CFAP54: variants seen among roughly 807,000 people sequenced by gnomAD.
CFAP54 encodes the protein cilia and flagella associated protein 54.
A neutral mutation model predicts 370.4 loss-of-function variants in CFAP54; 290 were observed. The observed-to-expected ratio is 0.78, with a 90% CI of 0.71 to 0.86. The LOEUF (loss-of-function observed/expected upper bound fraction) is 0.86, where lower values mean the gene tolerates loss of function less well. CFAP54 is among the 40% of genes least tolerant of loss of function. The pLI is 0.00. For synonymous variants in CFAP54, 1,206 were observed against 1,236.5 expected (o/e 0.98, Z 0.52); for missense variants, 3,399 against 3,528.7 (o/e 0.96, Z 0.93).
rs747467466 is a variant in CFAP54 at position 96,630,621 on chromosome 12, C to T, written c.4286C>T (p.Pro1429Leu). Residue 1429 changes from proline (P) to leucine (L), a missense_variant, in exon 32 of 68, where the codon CCG (proline) becomes CTG (leucine). Pro to Leu is a moderately conservative substitution (Grantham distance 98). This residue lies in a region of CFAP54 where 2,796 missense variants were observed against 2,869.7 expected (regional missense o/e 0.97). Coordinates refer to ENST00000524981, the MANE Select transcript of CFAP54 (RefSeq NM_001306084.2). The stretch of plus-strand genomic sequence containing the variant: ...CTAAGAGATTTCATTTTTAAAAATC[C>T]GGCTATTTCTGAAATGGTGGCACAT... ...ETLRDFIFKN[P>L]AISEMVAHER... is the part of the protein sequence containing the mutation. 69 of 1,494,590 alleles carry T rather than the reference C, an allele frequency of 4.6e-5. 1 individual carries two copies. In the South Asian group the frequency reaches 5.5e-4, roughly 12 times the overall value. The allele number at this position is 1,494,590 out of a possible 1,614,324, so 92.6% of individuals were successfully genotyped here.
rs1263604906 is a variant in CFAP54, at chr12:96,600,365, A to G, written c.3639+1598A>G. On this transcript the variant is annotated intron_variant, in intron 26 of 67. Coordinates refer to ENST00000524981, the MANE Select transcript of CFAP54 (RefSeq NM_001306084.2). ...CCTATGTATCTGTTTTGGTACCAGT[A>G]CCATGCTGTTTTGGTTACTGTAGCC... 2.0e-5 allele frequency among the ~76,000 whole-genome samples: 3 copies of G among 152,282 alleles called. No homozygotes were observed. The South Asian group carries it at 6.2e-4, about 32-fold the overall frequency.
intron 39 of CFAP54, among the ~76,000 whole-genome samples, chr12:96,673,552 G>T (rs1160324765): frequency 1.3e-5 from 2 of 152,120 alleles, no homozygotes; most frequent in Non-Finnish European, 2.9e-5. Flanking sequence ...CTGTTATTGG[G>T]AATGTTTTTT....
At position 96,772,471 on chromosome 12, in the gene CFAP54, G is replaced by A. The variant is rs548113281; in HGVS notation, c.8281+7253G>A. The stretch of plus-strand genomic sequence containing the variant: ...TAGCATCTCCAAATCTCTCTGACCC[G>A]AAACATACTCCTCTGACTTCGTTTC... On this transcript the variant is annotated intron_variant, in intron 60 of 67. Coordinates refer to ENST00000524981, the MANE Select transcript of CFAP54 (RefSeq NM_001306084.2). Among the ~76,000 whole-genome samples the A allele has an allele frequency of 1.9e-4, 29 of 152,174 alleles. 1 individual carries two copies. In the South Asian group the frequency reaches 4.4e-3, roughly 23 times the overall value.
chr12:96,717,344 T>A (rs1957695196), intron 48 of CFAP54, among the ~76,000 whole-genome samples: 1 of 152,192 alleles, frequency 6.6e-6, no homozygotes, highest in Non-Finnish European at 1.5e-5. Context: ...CATCCTCAGC[T>A]GACCCCTAGA....
chr12:96,814,080 A>G (rs1958953157), intron 64 of CFAP54, among the ~76,000 whole-genome samples: 1 of 152,166 alleles, frequency 6.6e-6, no homozygotes, highest in Non-Finnish European at 1.5e-5. Context: ...AGATGGGGCC[A>G]TTTACTCTGC....
chr12:96,826,805 T>G (rs183663657), intron 65 of CFAP54, among the ~76,000 whole-genome samples: 1,570 of 113,688 alleles, frequency 0.014, 51 homozygotes, highest in African/African-American at 0.055. Flanking sequence ...TATAATTATA[T>G]ATTATACATA....
At chr12:96,548,400 C>G (rs1955662237) in intron 15 of CFAP54, among the ~76,000 whole-genome samples, 1 of 151,876 alleles carries the variant, frequency 6.6e-6, no homozygotes, top group Admixed American at 6.6e-5. Flanking sequence ...TGCCACCCCC[C>G]CTCACATTTA....
chr12:96,577,461 TA>T (rs926919276), intron 20 of CFAP54, among the ~76,000 whole-genome samples: 39 of 152,298 alleles, frequency 2.6e-4, no homozygotes, highest in African/African-American at 7.7e-4. Context: ...TGATGTTACA[TA>T]AAAATAAAGT....
intron 45 of CFAP54, among the ~76,000 whole-genome samples, chr12:96,699,183 G>C (rs1160266633): frequency 6.6e-6 from 1 of 152,144 alleles, no homozygotes; most frequent in East Asian, 1.9e-4. Context: ...TGCAAACGAA[G>C]ACTCGCCTGC....
At chr12:96,690,030 C>T (rs1019103205) in intron 43 of CFAP54, among the ~76,000 whole-genome samples, 3 of 152,130 alleles carry the variant, frequency 2.0e-5, no homozygotes, top group African/African-American at 4.8e-5. Context: ...GGAAATGACC[C>T]GACTCTGACT....
At chr12:96,561,424 A>G (rs966314644) in intron 17 of CFAP54, among the ~76,000 whole-genome samples, 1 of 152,066 alleles carries the variant, frequency 6.6e-6, no homozygotes, top group African/African-American at 2.4e-5. Context: ...CCCTTTTTCT[A>G]TATAAATTGC....
chr12:96,597,502 A>G (rs976265947), intron 25 of CFAP54, among the ~76,000 whole-genome samples: 1 of 152,012 alleles, frequency 6.6e-6, no homozygotes, highest in African/African-American at 2.4e-5. Context: ...AGCTGGTGAC[A>G]AAGAGAAGTA....
At chr12:96,741,520 C>T (rs1958051367) in intron 51 of CFAP54, among the ~76,000 whole-genome samples, 1 of 152,104 alleles carries the variant, frequency 6.6e-6, no homozygotes, top group Admixed American at 6.6e-5. Context: ...CCTGTACTAC[C>T]CACCTGCATT....
In CFAP54 at chr12:96,872,432, C is replaced by A. The variant is rs116447975; in HGVS notation, c.*15-2686C>A. 4.4e-3 allele frequency among the ~76,000 whole-genome samples: 672 copies of A among 152,136 alleles called. 3 individuals carry two copies. Among genetic ancestry groups the A allele is most frequent in the African/African-American group, 0.016 (645 of 41,524 alleles). On this transcript the variant is annotated intron_variant, in intron 67 of 67. Coordinates refer to ENST00000524981, the MANE Select transcript of CFAP54 (RefSeq NM_001306084.2). Reference sequence around the variant, plus strand: ...ATTGTTCTATTTTAAATAAAAGACACCAACAGATTGAAAATAGAAGGATGG... The same window carrying A: ...ATTGTTCTATTTTAAATAAAAGACAACAACAGATTGAAAATAGAAGGATGG...
At chr12:96,835,064 G>T (rs1376734844) in intron 66 of CFAP54, among the ~76,000 whole-genome samples, 1 of 152,096 alleles carries the variant, frequency 6.6e-6, no homozygotes, top group Non-Finnish European at 1.5e-5. Flanking sequence ...AGAGGAGGCT[G>T]TGGAGTGGGT....
chr12:96,745,320 C>A (rs1262653018), intron 55 of CFAP54, among the ~76,000 whole-genome samples: 2 of 152,126 alleles, frequency 1.3e-5, no homozygotes, highest in African/African-American at 4.8e-5. Flanking sequence ...AAAAGCATTC[C>A]TTTTTCTCTG....
chr12:96,764,636 A>G (rs975657614), intron 59 of CFAP54, among the ~76,000 whole-genome samples: 2 of 152,164 alleles, frequency 1.3e-5, no homozygotes, highest in Non-Finnish European at 2.9e-5. Context: ...AAAAAAAGAA[A>G]AAAAAATTAC....
At chr12:96,631,014 T>C (rs1956601714) in intron 32 of CFAP54, among the ~76,000 whole-genome samples, 1 of 151,996 alleles carries the variant, frequency 6.6e-6, no homozygotes, top group Non-Finnish European at 1.5e-5. Context: ...TCTGTTTTTT[T>C]AAGTACACAT....
intron 19 of CFAP54, among the ~76,000 whole-genome samples, chr12:96,569,643 T>G (rs1438921844): frequency 6.6e-6 from 1 of 152,218 alleles, no homozygotes; most frequent in Non-Finnish European, 1.5e-5. Context: ...AAATCTGTAG[T>G]TGAGATCATT....
Sources: gnomAD v4.1 joint callset for allele counts (sites outside exome capture counted in the v4.1 genomes callset) on GRCh38, gnomAD v4.1.1 for gene constraint, gnomAD v4.1.1 regional missense constraint, MANE v1.5 for transcripts, NCBI Gene and HGNC (gene_info 2026-07-23, HGNC 2026-07-21) for gene names.